Variants in NTNG1 observed in about 807,000 individuals in gnomAD.
NTNG1 encodes netrin-G1.
Under a neutral mutation model 54.0 loss-of-function variants are expected in NTNG1, and 16 were observed. That is an observed-to-expected ratio of 0.30 (90% CI 0.20 to 0.45). The LOEUF is 0.45. NTNG1 is among the 20% of genes least tolerant of loss of function. The pLI is 1.00. For synonymous variants in NTNG1, 255 were observed against 263.1 expected, an observed-to-expected ratio of 0.97 and a Z score of 0.30; for missense variants, 530 against 678.7, an observed-to-expected ratio of 0.78 and a Z score of 2.43.
At chr1:107,278,913 A>T (rs1053687313) in intron 2 of NTNG1, among the ~76,000 whole-genome samples, 2 of 152,080 alleles carry the variant, frequency 1.3e-5, no homozygotes, top group Admixed American at 1.3e-4. Flanking sequence ...TCCACTGATC[A>T]TCTCAGTTAT....
intron 2 of NTNG1, among the ~76,000 whole-genome samples, chr1:107,226,596 G>A (rs1184543642): frequency 6.6e-6 from 1 of 152,146 alleles, no homozygotes; most frequent in Non-Finnish European, 1.5e-5. Context: ...AGCACCTACA[G>A]TGGTTTCCCC....
intron 3 of NTNG1, among the ~76,000 whole-genome samples, chr1:107,391,586 A>G (rs1672364502): frequency 6.6e-6 from 1 of 152,174 alleles, no homozygotes; most frequent in African/African-American, 2.4e-5. Flanking sequence ...TAAGCTGTGT[A>G]CAAGAAGCGT....
chr1:107,442,712 C>A (rs1453683191), intron 7 of NTNG1, among the ~76,000 whole-genome samples: 1 of 152,130 alleles, frequency 6.6e-6, no homozygotes, highest in Non-Finnish European at 1.5e-5. Context: ...ATGTCCTGAG[C>A]AGCCCACATC....
intron 3 of NTNG1, among the ~76,000 whole-genome samples, chr1:107,389,639 G>A (rs1010034644): frequency 4.6e-5 from 7 of 152,166 alleles, no homozygotes; most frequent in African/African-American, 1.4e-4. Flanking sequence ...TTTTAAGTCT[G>A]CCTTAGCGAC....
intron 2 of NTNG1, among the ~76,000 whole-genome samples, chr1:107,192,298 T>C (rs184642063): frequency 6.6e-6 from 1 of 152,226 alleles, no homozygotes; most frequent in Non-Finnish European, 1.5e-5. Context: ...TGTGTCTGAC[T>C]TCTCCTTCGT....
chr1:107,142,958 T>C (rs956137504), intron 1 of NTNG1: 7 of 152,176 alleles, frequency 4.6e-5, no homozygotes, highest in African/African-American at 1.7e-4. Context: ...TTTTTGAAGA[T>C]AAGCAACTTT....
chr1:107,395,491 T>C, intron 4 of NTNG1, 165 bp downstream of exon 4: 1 of 767,266 alleles, frequency 1.3e-6, no homozygotes, highest in Non-Finnish European at 2.4e-6. Context: ...AGACATCTTT[T>C]AGCACTCTGA....
At chr1:107,292,755 C>T (rs900022380) in intron 2 of NTNG1, among the ~76,000 whole-genome samples, 10 of 152,084 alleles carry the variant, frequency 6.6e-5, no homozygotes, top group East Asian at 1.9e-4. Context: ...ACTGTGCATA[C>T]GGACAGCCCA....
intron 2 of NTNG1, among the ~76,000 whole-genome samples, chr1:107,303,344 G>T (rs944696236): frequency 6.6e-6 from 1 of 152,104 alleles, no homozygotes; most frequent in African/African-American, 2.4e-5. Context: ...AATGAGATTA[G>T]AAAGTGAGGA....
intron 3 of NTNG1, among the ~76,000 whole-genome samples, chr1:107,331,990 A>C (rs1668309357): frequency 6.6e-6 from 1 of 152,110 alleles, no homozygotes; most frequent in East Asian, 1.9e-4. Context: ...CATAATTAAA[A>C]ATTAAAAACC....
chr1:107,263,210 A>G (rs1018316020), intron 2 of NTNG1, among the ~76,000 whole-genome samples: 1 of 152,148 alleles, frequency 6.6e-6, no homozygotes, highest in Admixed American at 6.5e-5. Flanking sequence ...CAGAGAAAGG[A>G]TGTGTGGGTG....
At chr1:107,296,202 C>A (rs1665932897) in intron 2 of NTNG1, among the ~76,000 whole-genome samples, 1 of 152,116 alleles carries the variant, frequency 6.6e-6, no homozygotes, top group Admixed American at 6.6e-5. Context: ...CAAAAGGGAA[C>A]TTACTGAATT....
At chr1:107,193,275 A>G (rs563561578) in intron 2 of NTNG1, among the ~76,000 whole-genome samples, 19 of 152,074 alleles carry the variant, frequency 1.2e-4, no homozygotes, top group African/African-American at 4.6e-4. Flanking sequence ...AGTCTTCCGG[A>G]TATAATTTCA....
chr1:107,208,416 G>C (rs1283523523), intron 2 of NTNG1, among the ~76,000 whole-genome samples: 1 of 125,564 alleles, frequency 8.0e-6, no homozygotes, highest in African/African-American at 2.8e-5. Context: ...GGCAACAAGA[G>C]CCAAACATCA....
At chr1:107,377,843 T>G (rs1168830289) in intron 3 of NTNG1, among the ~76,000 whole-genome samples, 4 of 152,350 alleles carry the variant, frequency 2.6e-5, no homozygotes, top group African/African-American at 9.6e-5. Flanking sequence ...GCTTACCATC[T>G]CAAGCTGAAG....
intron 2 of NTNG1, among the ~76,000 whole-genome samples, chr1:107,304,104 A>G (rs1666506519): frequency 6.6e-6 from 1 of 151,996 alleles, no homozygotes; most frequent in African/African-American, 2.4e-5. Context: ...TTCCAAGGTC[A>G]CTGACAACCA....
chr1:107,421,274 C>T lies in NTNG1; in HGVS notation c.1088-9476C>T, dbSNP rs1401808463. 4.7e-6 allele frequency: 3 copies of T among 633,248 alleles called. No homozygotes were observed. The East Asian group carries it at 8.3e-5, about 17-fold the overall frequency. 39.2% of individuals were successfully genotyped at this position (633,248 alleles called of 1,614,324 possible). A position where few individuals can be genotyped will look rare whatever the true frequency, so the allele number is the denominator to read the frequency against. On this transcript the variant is annotated intron_variant, in intron 5 of 7. Transcript: ENST00000370068. ...GTGAGGCATGTTGACTAATATCAAT[C>T]AATGCATCGAATAGTACTGAGAATC...
At chr1:107,190,015 A>C (rs968133351) in intron 2 of NTNG1, among the ~76,000 whole-genome samples, 2 of 152,156 alleles carry the variant, frequency 1.3e-5, no homozygotes, top group Admixed American at 1.3e-4. Flanking sequence ...ACATGCTACA[A>C]TATGGATGAA....
intron 2 of NTNG1, among the ~76,000 whole-genome samples, chr1:107,186,839 A>G (rs1481227386): frequency 6.6e-6 from 1 of 152,164 alleles, no homozygotes; most frequent in Non-Finnish European, 1.5e-5. Flanking sequence ...AATATAGGCC[A>G]TGCCCCAGAA....
Sources: gnomAD v4.1 joint callset for allele counts (sites outside exome capture counted in the v4.1 genomes callset) on GRCh38, gnomAD v4.1.1 for gene constraint, MANE v1.5 for transcripts, NCBI Gene and HGNC (gene_info 2026-07-23, HGNC 2026-07-21) for gene names.